The following SLC8A2 variants were observed in gnomAD, a reference collection of about 807,000 sequenced individuals.
The protein encoded by SLC8A2 is solute carrier family 8 member A2.
SLC8A2 carries 14 observed loss-of-function variants against 70.2 expected under a neutral mutation model. That is an observed-to-expected ratio of 0.20 (90% CI 0.13 to 0.31). SLC8A2 has a LOEUF of 0.31. SLC8A2 is among the 10% of genes least tolerant of loss of function. The pLI is 1.00. For synonymous variants in SLC8A2, 575 were observed against 594.3 expected, an observed-to-expected ratio of 0.97 and a Z score of 0.47; for missense variants, 779 against 1,320.1, an observed-to-expected ratio of 0.59 and a Z score of 6.35.
intron 3 of SLC8A2, among the ~76,000 whole-genome samples, chr19:47,451,151 G>C (rs1049848197): frequency 6.6e-6 from 1 of 151,616 alleles, no homozygotes; most frequent in African/African-American, 2.4e-5. Context: ...TGGGATTACA[G>C]ATGTGTGCCA....
At chr19:47,456,840 G>T (rs1365505193) in intron 3 of SLC8A2, 90 bp downstream of exon 3, 2 of 1,255,826 alleles carry the variant, frequency 1.6e-6, no homozygotes, top group Non-Finnish European at 2.2e-6. Context: ...GCAGGAGTCA[G>T]TTGGGAGGCG....
At chr19:47,435,026 T>C (rs113344886) in intron 8 of SLC8A2, among the ~76,000 whole-genome samples, 5 of 152,120 alleles carry the variant, frequency 3.3e-5, no homozygotes, top group African/African-American at 9.6e-5. Flanking sequence ...CCGGCCAACA[T>C]GGTGAAATCC....
At chr19:47,435,549 C>T (rs867969125) in intron 8 of SLC8A2, among the ~76,000 whole-genome samples, 5 of 120,332 alleles carry the variant, frequency 4.2e-5, no homozygotes, top group South Asian at 2.4e-4. Context: ...TTCTTTTCTT[C>T]GTTTTTTTTT....
chr19:47,461,382 G>A (rs1344332496), intron 2 of SLC8A2, among the ~76,000 whole-genome samples: 6 of 151,822 alleles, frequency 4.0e-5, no homozygotes, highest in East Asian at 1.9e-4. Context: ...GGTGGCGTGC[G>A]CCTGTAATTC....
intron 7 of SLC8A2, 84 bp from the exon 8 acceptor site, chr19:47,437,645 C>A: frequency 2.4e-6 from 3 of 1,246,346 alleles, no homozygotes; most frequent in Non-Finnish European, 3.5e-6. Flanking sequence ...CGGGGGCTCA[C>A]AGCCTGTGCC....
At chr19:47,459,485 CCT>C (rs149961721) in intron 2 of SLC8A2, among the ~76,000 whole-genome samples, 3 of 152,196 alleles carry the variant, frequency 2.0e-5, no homozygotes, top group East Asian at 1.9e-4. Context: ...TCTCTCCCTC[CCT>C]CTCTCTCTTG....
In SLC8A2 at chr19:47,447,673, C is replaced by T. The variant is rs1279642607; in HGVS notation, c.1763+136G>A. ...CACGTTGCGGGCACGGCCACGCAGG[C>T]CCCTCCCCTCCCGAGGCCCAACCAA... is the stretch of plus-strand genomic sequence containing the variant. On this transcript the variant is annotated intron_variant, in intron 4 of 9. Transcript: ENST00000236877. This position sits in a 1 kb window ranked among gnomAD's most constrained non-coding sequence, Gnocchi z 5.1. 9 of 907,352 alleles carry T rather than the reference C, an allele frequency of 9.9e-6. No homozygotes were observed. Among genetic ancestry groups the T allele is most frequent in the East Asian group, 3.1e-5 (1 of 32,598 alleles). 56.2% of individuals were successfully genotyped at this position (907,352 alleles called of 1,614,324 possible).
chr19:47,438,816 C>G (rs190076788), intron 6 of SLC8A2, among the ~76,000 whole-genome samples: 1 of 152,312 alleles, frequency 6.6e-6, no homozygotes, highest in African/African-American at 2.4e-5. Flanking sequence ...ATCCCACACT[C>G]TATCTCCAGA....
intron 2 of SLC8A2, among the ~76,000 whole-genome samples, chr19:47,464,654 T>C (rs1967435845): frequency 6.6e-6 from 1 of 152,230 alleles, no homozygotes; most frequent in Admixed American, 6.5e-5. Flanking sequence ...TTTCTATCTC[T>C]AGCTTCAGAT....
At chr19:47,469,112 CTG>C (rs72382596) in intron 1 of SLC8A2, among the ~76,000 whole-genome samples, 1,351 of 128,692 alleles carry the variant, frequency 0.01, 27 homozygotes, top group African/African-American at 0.035. Context: ...AGGAGCATGC[CTG>C]TGTGCGTGTG....
Position 47,430,222 on chromosome 19 carries a change from CGGCGCCGGTACAGCA to C in SLC8A2, c.2618_2632del (p.Leu873_Arg877del). On this transcript the variant is annotated inframe_deletion, in exon 10 of 10. Coordinates refer to ENST00000236877, the MANE Select transcript of SLC8A2 (RefSeq NM_015063.3). The surrounding 1 kb of genome is among the most constrained non-coding windows in gnomAD (Gnocchi z 5.9). ...GCCCAGCTCGCCGCCGATGTGCGGC[CGGCGCCGGTACAGCA>C]GCACGGCAATGCCCACGAAGGCGAA... 6.2e-7 allele frequency: 1 copy of C among 1,608,714 alleles called. No homozygotes were observed.
intron 7 of SLC8A2, 100 bp from the exon 8 acceptor site, chr19:47,437,661 G>T (rs771387991): frequency 3.4e-6 from 4 of 1,176,938 alleles, no homozygotes; most frequent in Admixed American, 3.5e-5. Context: ...GTGCCCAGGG[G>T]TCCTCAACTT....
intron 2 of SLC8A2, among the ~76,000 whole-genome samples, chr19:47,457,809 T>TTCCTTCCTTCCTTC (rs1169130773): frequency 8.1e-6 from 1 of 123,412 alleles, no homozygotes; most frequent in Non-Finnish European, 1.6e-5. Flanking sequence ...TTCCTTCCTT[T>TTCCTTCCTTCCTTC]CTTCCTTCTT....
chr19:47,468,916 C>A lies in SLC8A2; in HGVS notation c.-16-2497G>T, dbSNP rs1967496753. On this transcript the variant is annotated intron_variant, in intron 1 of 9. Transcript: ENST00000236877. The surrounding 1 kb of genome is among the most constrained non-coding windows in gnomAD (Gnocchi z 5.1). The stretch of plus-strand genomic sequence containing the variant: ...GAGGTGTCCTGGGAACCTCCACCCT[C>A]CCAGACCCCTCTGCCACCAGCCTCA... 6.6e-6 allele frequency among the ~76,000 whole-genome samples: 1 copy of A among 152,138 alleles called. No individual in the cohort carries two copies. The highest frequency in any genetic ancestry group is 1.9e-4 in the East Asian group (1 of 5,180).
At chr19:47,434,764 C>T (rs1967005307) in intron 8 of SLC8A2, among the ~76,000 whole-genome samples, 1 of 152,174 alleles carries the variant, frequency 6.6e-6, no homozygotes, top group African/African-American at 2.4e-5. Flanking sequence ...CCTCACCCCT[C>T]CAGCAGCTCT....
At chr19:47,442,646 C>T (rs1290183540) in intron 4 of SLC8A2, among the ~76,000 whole-genome samples, 1 of 152,150 alleles carries the variant, frequency 6.6e-6, no homozygotes, top group African/African-American at 2.4e-5. Flanking sequence ...CCCCCTCCAG[C>T]ACTCCCTTAT....
chr19:47,466,500 G>A lies in SLC8A2; in HGVS notation c.-16-81C>T, dbSNP rs1967463968. On this transcript the variant is annotated intron_variant, in intron 1 of 9. Coordinates refer to ENST00000236877, the MANE Select transcript of SLC8A2 (RefSeq NM_015063.3). The surrounding 1 kb of genome is among the most constrained non-coding windows in gnomAD (Gnocchi z 6.9). The stretch of plus-strand genomic sequence containing the variant: ...CAAAGGTCAAAGCTCACTGGGGAAG[G>A]AGGGTTGGGGGAGAAGCTGAGGACC... The A allele has an allele frequency of 6.7e-6, 4 of 593,606 alleles. No homozygotes were observed. The highest frequency in any genetic ancestry group is 1.2e-5 in the Non-Finnish European group (4 of 337,266). 36.8% of individuals were successfully genotyped at this position (593,606 alleles called of 1,614,324 possible). A position where few individuals can be genotyped will look rare whatever the true frequency, so the allele number is the denominator to read the frequency against.
At position 47,428,350 on chromosome 19, in the gene SLC8A2, CT is replaced by C. The variant is rs939587132; in HGVS notation, c.*1738del. ...GGGCGTGGTTAGTGGAAACCCACGACTGACGAATGGGGGCATGGAGAGTGGA... is the reference window on the plus strand; with the variant it reads ...GGGCGTGGTTAGTGGAAACCCACGACGACGAATGGGGGCATGGAGAGTGGA... On this transcript the variant is annotated 3_prime_UTR_variant, in exon 10 of 10. Coordinates refer to ENST00000236877, the MANE Select transcript of SLC8A2 (RefSeq NM_015063.3). 1.1e-4 allele frequency: 16 copies of C among 149,602 alleles called. No individual in the cohort carries two copies. Among genetic ancestry groups the C allele is most frequent in the African/African-American group, 4.0e-4 (16 of 40,116 alleles). 9.3% of individuals were successfully genotyped at this position (149,602 alleles called of 1,614,324 possible). A position where few individuals can be genotyped will look rare whatever the true frequency, so the allele number is the denominator to read the frequency against.
chr19:47,461,891 C>T (rs1461097604), intron 2 of SLC8A2, among the ~76,000 whole-genome samples: 1 of 152,190 alleles, frequency 6.6e-6, no homozygotes, highest in Non-Finnish European at 1.5e-5. Context: ...CCTGGGAGGG[C>T]ACTGTGACAT....
Sources: allele counts gnomAD v4.1 joint callset (sites outside exome capture counted in the v4.1 genomes callset), GRCh38; gene constraint gnomAD v4.1.1; non-coding constraint Gnocchi (gnomAD v3.1); transcripts MANE v1.5; gene names NCBI Gene and HGNC (gene_info 2026-07-23, HGNC 2026-07-21).